The following GRM8 variants were observed in gnomAD, a reference collection of about 807,000 sequenced individuals.
GRM8 encodes the protein metabotropic glutamate receptor 8.
GRM8 carries 47 observed loss-of-function variants against 87.2 expected under a neutral mutation model. The ratio of observed to expected loss-of-function variants is 0.54; its 90% CI spans 0.43 to 0.69. The LOEUF (loss-of-function observed/expected upper bound fraction) is 0.69, where lower values mean the gene tolerates loss of function less well. Ranked by LOEUF, GRM8 falls within the 30% of genes least tolerant of loss-of-function variation. GRM8 has a pLI of 0.00. For missense variants in GRM8, 1,019 were observed against 1,139.2 expected (o/e 0.89, Z 1.52); for synonymous variants, 396 against 404.5 (o/e 0.98, Z 0.25).
chr7:126,474,909 A>G (rs1242091298), intron 9 of GRM8, among the ~76,000 whole-genome samples: 1 of 152,236 alleles, frequency 6.6e-6, no homozygotes, highest in African/African-American at 2.4e-5. Flanking sequence ...TAGATGCAGA[A>G]AAGACATTTG....
chr7:127,116,084 C>T (rs10282337), intron 2 of GRM8, among the ~76,000 whole-genome samples: 2,691 of 152,226 alleles, frequency 0.018, 74 homozygotes, highest in African/African-American at 0.061. Flanking sequence ...CCACTGTATT[C>T]CAGCCTGGGT....
In GRM8 at chr7:126,456,519, T is replaced by TAAAAAAAAAAA. The variant is rs513; in HGVS notation, c.2431-10158_2431-10148dup. On this transcript the variant is annotated intron_variant, in intron 9 of 10. Transcript: ENST00000339582. ...TCCTAAGTGTAAGAAAGCAGCAAGC[T>TAAAAAAAAAAA]AAAAAAAAAAAAAAAAAAAAAAAAA... Among the ~76,000 whole-genome samples, 345 of 69,572 alleles carry TAAAAAAAAAAA rather than the reference T, an allele frequency of 5.0e-3. 29 individuals are homozygous for TAAAAAAAAAAA. Among genetic ancestry groups the TAAAAAAAAAAA allele is most frequent in the African/African-American group, 0.02 (238 of 12,016 alleles). The allele number at this position is 69,572 out of a possible 152,430, so 45.6% of individuals were successfully genotyped here.
At position 126,874,096 on chromosome 7, in the gene GRM8, T is replaced by A. The variant is rs138212955; in HGVS notation, c.1156+28446A>T. Reference sequence around the variant, plus strand: ...TCATTTGTGTTGTCAAATTCCCATGTTTTTTAGCTTTGCCCTCTTTCCTGA... The same window carrying A: ...TCATTTGTGTTGTCAAATTCCCATGATTTTTAGCTTTGCCCTCTTTCCTGA... On this transcript the variant is annotated intron_variant, in intron 6 of 10. Transcript: ENST00000339582. Among the ~76,000 whole-genome samples, 316 of 152,146 alleles carry A rather than the reference T, an allele frequency of 2.1e-3. 2 individuals carry two copies. Among genetic ancestry groups the A allele is most frequent in the African/African-American group, 6.2e-3 (256 of 41,538 alleles).
At position 126,439,053 on chromosome 7, in the gene GRM8, T is replaced by G. The variant is rs1468124052; in HGVS notation, c.*66A>C. 11 of 919,520 alleles carry G rather than the reference T, an allele frequency of 1.2e-5. No homozygotes were observed. In the Admixed American group the frequency reaches 1.9e-4, roughly 16 times the overall value. The allele number at this position is 919,520 out of a possible 1,614,324, so 57.0% of individuals were successfully genotyped here. On this transcript the variant is annotated 3_prime_UTR_variant, in exon 11 of 11. Coordinates refer to ENST00000339582, the MANE Select transcript of GRM8 (RefSeq NM_000845.3). ...ACGGAGATCTCCAGGAGTGAATTTT[T>G]GCGGTCTCATGTTCATCATTTAAGA...
intron 6 of GRM8, among the ~76,000 whole-genome samples, chr7:126,825,374 A>T (rs886426141): frequency 6.6e-6 from 1 of 152,110 alleles, no homozygotes; most frequent in Non-Finnish European, 1.5e-5. Flanking sequence ...CCCCAAACAT[A>T]TACTTCTTTA....
chr7:127,168,973 C>T (rs1329885116), intron 2 of GRM8, among the ~76,000 whole-genome samples: 2 of 149,154 alleles, frequency 1.3e-5, no homozygotes, highest in African/African-American at 5.0e-5. Flanking sequence ...CAAACCTGCA[C>T]GTTCTGCACA....
chr7:126,626,562 GC>G (rs1800713622), intron 7 of GRM8, among the ~76,000 whole-genome samples: 1 of 151,940 alleles, frequency 6.6e-6, no homozygotes, highest in African/African-American at 2.4e-5. Flanking sequence ...TCTTGTTCTG[GC>G]CTATCCTGTT....
chr7:126,472,567 G>A (rs1805402820), intron 9 of GRM8, among the ~76,000 whole-genome samples: 1 of 152,148 alleles, frequency 6.6e-6, no homozygotes, highest in Non-Finnish European at 1.5e-5. Context: ...ATAAAAGTTT[G>A]AAAAATTTGC....
chr7:127,170,771 T>C (rs1002017272), intron 2 of GRM8, among the ~76,000 whole-genome samples: 5 of 152,092 alleles, frequency 3.3e-5, no homozygotes, highest in Non-Finnish European at 5.9e-5. Context: ...TGTTCTCACT[T>C]ATAAGTGGGA....
At chr7:126,816,732 T>TTGTGTGTGTGTGTG (rs3038866) in intron 6 of GRM8, among the ~76,000 whole-genome samples, 1 of 145,826 alleles carries the variant, frequency 6.9e-6, no homozygotes, top group Non-Finnish European at 1.5e-5. Flanking sequence ...GTATATGATT[T>TTGTGTGTGTGTGTG]TGTGTGTGTG....
At chr7:126,760,271 T>C (rs1380984726) in intron 7 of GRM8, among the ~76,000 whole-genome samples, 1 of 152,182 alleles carries the variant, frequency 6.6e-6, no homozygotes, top group East Asian at 1.9e-4. Flanking sequence ...ATGGATGAAG[T>C]TGAGTAGGAC....
At chr7:126,783,091 C>G (rs1487026961) in intron 6 of GRM8, among the ~76,000 whole-genome samples, 1 of 152,172 alleles carries the variant, frequency 6.6e-6, no homozygotes, top group African/African-American at 2.4e-5. Flanking sequence ...TCAGTAAACA[C>G]AGAGGCTGCA....
At chr7:126,840,457 CT>C (rs1350225922) in intron 6 of GRM8, among the ~76,000 whole-genome samples, 35 of 152,198 alleles carry the variant, frequency 2.3e-4, no homozygotes, top group African/African-American at 7.9e-4. Flanking sequence ...GTATTTTCAT[CT>C]TTTATTGGAA....
intron 2 of GRM8, among the ~76,000 whole-genome samples, chr7:127,216,474 C>T (rs537783550): frequency 2.8e-5 from 4 of 144,112 alleles, no homozygotes; most frequent in Admixed American, 7.2e-5. Context: ...GCCAAGATCG[C>T]GCCACTGCAC....
intron 6 of GRM8, among the ~76,000 whole-genome samples, chr7:126,891,031 T>C (rs12671594): frequency 0.11 from 16,806 of 151,980 alleles, 1,118 homozygotes; most frequent in East Asian, 0.22. Flanking sequence ...CTATATCTCA[T>C]AGGATCCTTA....
rs546100576 is a variant in GRM8 at position 126,997,021 on chromosome 7, A to G, written c.728-92338T>C. Reference sequence around the variant, plus strand: ...TCAACTCAGCATCATTCTCACAGACAGACCATATGTCAGGCTACAAAACAA... The same window carrying G: ...TCAACTCAGCATCATTCTCACAGACGGACCATATGTCAGGCTACAAAACAA... On this transcript the variant is annotated intron_variant, in intron 3 of 10. Transcript: ENST00000339582. Among the ~76,000 whole-genome samples the G allele has an allele frequency of 1.8e-4, 27 of 152,144 alleles. No individual in the cohort carries two copies. In the East Asian group the frequency reaches 5.2e-3, roughly 29 times the overall value.
chr7:126,921,763 T>C (rs188367675), intron 3 of GRM8, among the ~76,000 whole-genome samples: 3 of 152,248 alleles, frequency 2.0e-5, no homozygotes, highest in Admixed American at 2.0e-4. Flanking sequence ...CTATTTAAAA[T>C]ATGAAGAAAA....
At chr7:126,912,275 C>T (rs2131299980) in intron 3 of GRM8, among the ~76,000 whole-genome samples, 1 of 152,214 alleles carries the variant, frequency 6.6e-6, no homozygotes, top group Admixed American at 6.5e-5. Flanking sequence ...CTGAATAAAG[C>T]AGATTACCTT....
intron 3 of GRM8, among the ~76,000 whole-genome samples, chr7:127,014,843 T>C (rs1405636171): frequency 6.6e-6 from 1 of 150,822 alleles, no homozygotes; most frequent in Non-Finnish European, 1.5e-5. Context: ...GGCCTTCCTG[T>C]GAAGGAAAGT....
Sources: allele counts gnomAD v4.1 joint callset (sites outside exome capture counted in the v4.1 genomes callset), GRCh38; gene constraint gnomAD v4.1.1; transcripts MANE v1.5; gene names NCBI Gene and HGNC (gene_info 2026-07-23, HGNC 2026-07-21).